C8orf34: variants seen among roughly 807,000 people sequenced by gnomAD.
C8orf34 encodes the protein chromosome 8 open reading frame 34.
Under a neutral mutation model 68.3 loss-of-function variants are expected in C8orf34, and 65 were observed. The ratio of observed to expected loss-of-function variants is 0.95; its 90% CI spans 0.78 to 1.17. The LOEUF (loss-of-function observed/expected upper bound fraction) is 1.17. C8orf34 is among the 50% of genes most tolerant of loss of function. The pLI, the probability that C8orf34 is intolerant of heterozygous loss-of-function variation, is 0.00. For synonymous variants in C8orf34, 244 were observed against 241.2 expected (o/e 1.01, Z -0.11); for missense variants, 664 against 655.4 (o/e 1.01, Z -0.14).
chr8:68,485,827 T>G (rs1249571851), intron 4 of C8orf34, among the ~76,000 whole-genome samples: 1 of 151,800 alleles, frequency 6.6e-6, no homozygotes. Flanking sequence ...ATTTCAGATA[T>G]CTAAGCTTTA....
At chr8:68,516,612 T>A (rs1814526279) in intron 5 of C8orf34, among the ~76,000 whole-genome samples, 1 of 151,952 alleles carries the variant, frequency 6.6e-6, no homozygotes, top group African/African-American at 2.4e-5. Context: ...AATTTTTGAC[T>A]GGGAATGCTA....
At chr8:68,600,508 G>T (rs1817669060) in intron 7 of C8orf34, among the ~76,000 whole-genome samples, 1 of 151,924 alleles carries the variant, frequency 6.6e-6, no homozygotes, top group Admixed American at 6.6e-5. Flanking sequence ...TGTTAGGATA[G>T]GTTTGTTAGC....
intron 5 of C8orf34, among the ~76,000 whole-genome samples, chr8:68,517,222 A>G (rs1169572042): frequency 1.3e-5 from 2 of 152,202 alleles, no homozygotes; most frequent in Non-Finnish European, 2.9e-5. Flanking sequence ...ACCCTTTCAT[A>G]AAGATCTATG....
At chr8:68,680,151 A>G (rs1444770172) in intron 8 of C8orf34, among the ~76,000 whole-genome samples, 3 of 152,198 alleles carry the variant, frequency 2.0e-5, no homozygotes, top group African/African-American at 7.2e-5. Context: ...ACAGAATAGG[A>G]GGCCATATTT....
At chr8:68,381,903 C>T (rs1808058830) in intron 1 of C8orf34, among the ~76,000 whole-genome samples, 2 of 152,112 alleles carry the variant, frequency 1.3e-5, no homozygotes, top group South Asian at 2.1e-4. Context: ...CTCCAGTGCT[C>T]CTTCATAGAC....
At chr8:68,582,091 C>T (rs1225821462) in intron 7 of C8orf34, among the ~76,000 whole-genome samples, 1 of 152,052 alleles carries the variant, frequency 6.6e-6, no homozygotes. Context: ...TCAGGGTAAC[C>T]GGAGAAAGGC....
intron 6 of C8orf34, among the ~76,000 whole-genome samples, chr8:68,531,169 T>C (rs1384848956): frequency 1.3e-5 from 2 of 152,164 alleles, no homozygotes; most frequent in Non-Finnish European, 2.9e-5. Flanking sequence ...TTTTCTTATG[T>C]ACCCATAATA....
chr8:68,750,975 T>C (rs1031240915), intron 10 of C8orf34, among the ~76,000 whole-genome samples: 1 of 152,154 alleles, frequency 6.6e-6, no homozygotes, highest in African/African-American at 2.4e-5. Flanking sequence ...ATATTCTCTT[T>C]TACTCTAAAG....
rs182684903 is a variant in C8orf34, at chr8:68,348,960, C to A, written c.327+17621C>A. Among the ~76,000 whole-genome samples the A allele has an allele frequency of 5.3e-4, 80 of 152,036 alleles. 1 individual carries two copies. The highest frequency in any genetic ancestry group is 1.7e-3 in the African/African-American group (69 of 41,504). ...CTTCCTATTTGAATGCATTTTATTT[C>A]TTTCTCTTTCCTGATTGCCCTGGCC... On this transcript the variant is annotated intron_variant, in intron 1 of 13. Transcript: ENST00000518698.
At chr8:68,364,814 C>G (rs1807168935) in intron 1 of C8orf34, among the ~76,000 whole-genome samples, 1 of 150,078 alleles carries the variant, frequency 6.7e-6, no homozygotes, top group Admixed American at 6.6e-5. Context: ...AAATTGACAC[C>G]CTAACATCAC....
At chr8:68,713,988 T>A (rs943647534) in intron 9 of C8orf34, among the ~76,000 whole-genome samples, 6 of 152,116 alleles carry the variant, frequency 3.9e-5, no homozygotes, top group African/African-American at 1.4e-4. Context: ...TGGTTTAACA[T>A]ATGCAAGTCA....
At chr8:68,603,529 C>T (rs1255101063) in intron 7 of C8orf34, among the ~76,000 whole-genome samples, 1 of 84,364 alleles carries the variant, frequency 1.2e-5, no homozygotes, top group Non-Finnish European at 2.1e-5. Context: ...ATATATCTAT[C>T]TATCTATCTA....
chr8:68,594,406 T>C (rs1330761578), intron 7 of C8orf34, among the ~76,000 whole-genome samples: 1 of 152,064 alleles, frequency 6.6e-6, no homozygotes, highest in East Asian at 1.9e-4. Flanking sequence ...ACGATGTTTT[T>C]CTATATTAAA....
chr8:68,492,734 A>T (rs1482211216), intron 5 of C8orf34, among the ~76,000 whole-genome samples: 1 of 151,662 alleles, frequency 6.6e-6, no homozygotes, highest in Non-Finnish European at 1.5e-5. Flanking sequence ...TCTGGCTGTG[A>T]TCCCTCCTTT....
At chr8:68,721,582 G>A (rs1429201744) in intron 10 of C8orf34, 145 bp downstream of exon 10, 2 of 592,362 alleles carry the variant, frequency 3.4e-6, no homozygotes, top group Non-Finnish European at 6.0e-6. Context: ...TGGGGAAGAA[G>A]ACTTGAACTA....
chr8:68,378,816 A>C (rs183826185), intron 1 of C8orf34, among the ~76,000 whole-genome samples: 1 of 152,312 alleles, frequency 6.6e-6, no homozygotes, highest in East Asian at 1.9e-4. Context: ...GAGATACATA[A>C]ATTTAAGGAT....
Position 68,468,293 on chromosome 8 carries a change from A to G in C8orf34, c.608-399A>G, listed in dbSNP as rs1812232818. Among the ~76,000 whole-genome samples, 3 of 152,080 alleles carry G rather than the reference A, an allele frequency of 2.0e-5. No individual in the cohort carries two copies. The South Asian group carries it at 6.2e-4, about 31-fold the overall frequency. On this transcript the variant is annotated intron_variant, in intron 3 of 13. Coordinates refer to ENST00000518698, the MANE Select transcript of C8orf34 (RefSeq NM_052958.4). ...GAGGAGGACATGAAGATAAATACGTATATTTAGCCTTCTATGAATGTCCTA... is the reference window on the plus strand; with the variant it reads ...GAGGAGGACATGAAGATAAATACGTGTATTTAGCCTTCTATGAATGTCCTA...
chr8:68,605,791 G>A (rs150742560), intron 7 of C8orf34, among the ~76,000 whole-genome samples: 22 of 152,252 alleles, frequency 1.4e-4, no homozygotes, highest in Admixed American at 2.6e-4. Flanking sequence ...TACTGTAATA[G>A]TGGATATATG....
chr8:68,494,977 A>C (rs187743274), intron 5 of C8orf34, among the ~76,000 whole-genome samples: 22 of 151,684 alleles, frequency 1.5e-4, no homozygotes, highest in Admixed American at 3.9e-4. Flanking sequence ...TTATAACATC[A>C]GTACATTCAC....
Sources: allele counts gnomAD v4.1 joint callset (sites outside exome capture counted in the v4.1 genomes callset), GRCh38; gene constraint gnomAD v4.1.1; transcripts MANE v1.5; gene names NCBI Gene and HGNC (gene_info 2026-07-23, HGNC 2026-07-21).